The following UBN2 variants were observed in gnomAD, a reference collection of about 807,000 sequenced individuals.
The protein encoded by UBN2 is ubinuclein-2.
In UBN2, 35 loss-of-function variants were observed where a neutral mutation model predicts 120.2. The ratio of observed to expected loss-of-function variants is 0.29; its 90% CI spans 0.22 to 0.39. The LOEUF is 0.39. Among genes scored for constraint, UBN2 ranks in the 10% least tolerant of loss-of-function variants. The pLI is 1.00. For missense variants in UBN2, 1,693 were observed against 1,663.2 expected, an observed-to-expected ratio of 1.02 and a Z score of -0.31; for synonymous variants, 661 against 648.7, an observed-to-expected ratio of 1.02 and a Z score of -0.29.
chr7:139,260,380 G>A (rs577350582), intron 5 of UBN2, among the ~76,000 whole-genome samples: 1 of 152,272 alleles, frequency 6.6e-6, no homozygotes, highest in East Asian at 1.9e-4. Flanking sequence ...TTACAGGCAT[G>A]AGCCACTGCA....
At chr7:139,294,857 TG>T (rs1798065777) in intron 17 of UBN2, among the ~76,000 whole-genome samples, 1 of 152,104 alleles carries the variant, frequency 6.6e-6, no homozygotes, top group African/African-American at 2.4e-5. Context: ...AAAATTAATA[TG>T]ATCCAAGCTG....
chr7:139,261,588 T>A lies in UBN2; in HGVS notation c.1242T>A (p.Ala414=). ...TTGACTTCGACAGATTACTGGATGC[T>A]GCTTCTGATGGTAGCCCCCTATCTG... The part of the protein sequence containing the change: ...DDFDFDRLLD[A]ASDGSPLSES... Residue 414 remains alanine, a synonymous_variant, in exon 6 of 18, where the codon GCT becomes GCA. Transcript: ENST00000473989. 1 of 1,614,236 alleles carries A rather than the reference T, an allele frequency of 6.2e-7. No individual in the cohort carries two copies. Among genetic ancestry groups the A allele is most frequent in the African/African-American group, 1.3e-5 (1 of 75,062 alleles).
At chr7:139,289,927 T>C (rs1427958650) in intron 15 of UBN2, among the ~76,000 whole-genome samples, 1 of 151,616 alleles carries the variant, frequency 6.6e-6, no homozygotes, top group African/African-American at 2.4e-5. Context: ...AGAGTCTTGC[T>C]CTGTTGCCCA....
At position 139,283,870 on chromosome 7, in the gene UBN2, C is replaced by A. The variant is rs1797691288; in HGVS notation, c.2965C>A (p.Pro989Thr). 4.3e-6 allele frequency: 7 copies of A among 1,614,052 alleles called. No individual in the cohort carries two copies. Among genetic ancestry groups the A allele is most frequent in the East Asian group, 4.5e-5 (2 of 44,896 alleles). The change falls in exon 15 of 18, where the codon CCT (proline) becomes ACT (threonine). Residue 989 changes from proline (P) to threonine (T), a missense_variant. Around this residue, in one of 5 missense-constraint regions of UBN2, gnomAD observed 837 missense variants for 817.6 expected, o/e 1.02. Transcript: ENST00000473989. The part of the protein sequence containing the change: ...MYRLPLSTPS[P>T]GNGSQGSHPL... ...CCGCCTTCCCTTATCTACCCCCTCA[C>A]CTGGAAATGGTTCTCAAGGGTCCCA...
chr7:139,266,248 A>G, intron 6 of UBN2, 85 bp from the exon 7 acceptor site: 1 of 893,422 alleles, frequency 1.1e-6, no homozygotes, highest in Non-Finnish European at 1.7e-6. Flanking sequence ...AAAAAAAAGA[A>G]AAAAACCTTT....
intron 17 of UBN2, among the ~76,000 whole-genome samples, chr7:139,295,283 G>A (rs1315890430): frequency 6.6e-6 from 1 of 152,092 alleles, no homozygotes; most frequent in Non-Finnish European, 1.5e-5. Flanking sequence ...TGTAAAATGG[G>A]TAACACAGAG....
chr7:139,294,794 TC>T (rs1163529513), intron 17 of UBN2, among the ~76,000 whole-genome samples: 1 of 152,046 alleles, frequency 6.6e-6, no homozygotes, highest in Non-Finnish European at 1.5e-5. Context: ...TGAGCCGAGA[TC>T]ACGCCACTGC....
At position 139,254,761 on chromosome 7, in the gene UBN2, A is replaced by C. The variant is rs372349215; in HGVS notation, c.663+2704A>C. 3.6e-4 allele frequency among the ~76,000 whole-genome samples: 55 copies of C among 152,352 alleles called. No individual in the cohort carries two copies. The South Asian group carries it at 0.011, about 29-fold the overall frequency. Reference sequence around the variant, plus strand: ...CATCACATGTACTCACACTTACATAAATAGCTTTTTTAAATTAATAAACTT... The same window carrying C: ...CATCACATGTACTCACACTTACATACATAGCTTTTTTAAATTAATAAACTT... On this transcript the variant is annotated intron_variant, in intron 3 of 17. Transcript: ENST00000473989.
Position 139,301,090 on chromosome 7 carries a change from C to G in UBN2, c.*3254C>G, listed in dbSNP as rs761661428. The G allele has an allele frequency of 6.6e-6, 1 of 152,044 alleles. No individual in the cohort carries two copies. The allele number at this position is 152,044 out of a possible 1,614,324, so 9.4% of individuals were successfully genotyped here. On this transcript the variant is annotated 3_prime_UTR_variant, in exon 18 of 18. Transcript: ENST00000473989. Reference sequence around the variant, plus strand: ...TGATAGTGCATTCTTTTGTGCCCACCCCCCCTCTGATGGATGTTGTTAGCC... The same window carrying G: ...TGATAGTGCATTCTTTTGTGCCCACGCCCCCTCTGATGGATGTTGTTAGCC...
At position 139,283,389 on chromosome 7, in the gene UBN2, T is replaced by TA; in HGVS notation, c.2484_2485insA (p.Ser829IlefsTer38). The TA allele has an allele frequency of 6.2e-7, 1 of 1,614,068 alleles. No homozygotes were observed. Among genetic ancestry groups the TA allele is most frequent in the Non-Finnish European group, 8.5e-7 (1 of 1,180,008 alleles). ...AACTAGATTCTACTCAGACTACACA[T>TA]TCTTCAAGTCTTATTGCTGGTCACA... On this transcript the variant is annotated frameshift_variant, in exon 15 of 18. Transcript: ENST00000473989. LOFTEE classifies it high-confidence loss of function.
the UBN2 span, among the ~76,000 whole-genome samples, chr7:139,320,043 T>G: frequency 4.3e-3 from 644 of 149,960 alleles, 5 homozygotes; most frequent in South Asian, 0.041. Context: ...GCCACTGCAC[T>G]CCAGCCTGGG....
rs560180799 is a variant in UBN2, at chr7:139,263,927, A to G, written c.1395+2186A>G. ...AAAAAGTCTTAAGGTTATAAAGTTT[A>G]AAATTCCATCAGAAATTCTTCTAGG... is the stretch of plus-strand genomic sequence containing the variant. On this transcript the variant is annotated intron_variant, in intron 6 of 17. Transcript: ENST00000473989. Among the ~76,000 whole-genome samples, 4 of 152,304 alleles carry G rather than the reference A, an allele frequency of 2.6e-5. No homozygotes were observed. In the South Asian group the frequency reaches 8.3e-4, roughly 32 times the overall value.
At chr7:139,320,926 T>C in the UBN2 span, among the ~76,000 whole-genome samples, 2 of 152,062 alleles carry the variant, frequency 1.3e-5, no homozygotes, top group Admixed American at 1.3e-4. Context: ...GGACGAAATA[T>C]ATAAATATGT....
In UBN2 at chr7:139,299,952, A is replaced by G. The variant is rs1031861989; in HGVS notation, c.*2116A>G. On this transcript the variant is annotated 3_prime_UTR_variant, in exon 18 of 18. Transcript: ENST00000473989. ...AGTGCGTATTAATTTCTCTTCCTGA[A>G]TACTTGTATATATGTTTGTCTGTAT... The G allele has an allele frequency of 1.3e-5, 2 of 152,134 alleles. No individual in the cohort carries two copies. Among genetic ancestry groups the G allele is most frequent in the African/African-American group, 4.8e-5 (2 of 41,434 alleles). The allele number at this position is 152,134 out of a possible 1,614,324, so 9.4% of individuals were successfully genotyped here. A position where few individuals can be genotyped will look rare whatever the true frequency, so the allele number is the denominator to read the frequency against.
chr7:139,282,450 A>G (rs1345496021), intron 14 of UBN2, among the ~76,000 whole-genome samples: 1 of 152,198 alleles, frequency 6.6e-6, no homozygotes, highest in African/African-American at 2.4e-5. Context: ...TTACAAATAA[A>G]TTACAGATTC....
At chr7:139,326,618 C>A in the UBN2 span, among the ~76,000 whole-genome samples, 1 of 152,242 alleles carries the variant, frequency 6.6e-6, no homozygotes, top group Admixed American at 6.5e-5. Context: ...AGCAGGTGTG[C>A]ATTAAAATTC....
At chr7:139,269,650 G>A (rs757796285) in intron 8 of UBN2, 127 bp downstream of exon 8, 296 of 1,043,404 alleles carry the variant, frequency 2.8e-4, no homozygotes, top group Non-Finnish European at 3.5e-4. Context: ...AACCATAGGA[G>A]GTTATTAAAA....
chr7:139,297,628 C>G (rs185221536), intron 17 of UBN2, among the ~76,000 whole-genome samples, 159 bp from the exon 18 acceptor site: 268 of 152,242 alleles, frequency 1.8e-3, no homozygotes, highest in African/African-American at 6.2e-3. Flanking sequence ...GTTTTATCAA[C>G]CTCTATAATG....
intron 2 of UBN2, among the ~76,000 whole-genome samples, chr7:139,239,230 T>C (rs1796245812): frequency 2.0e-5 from 3 of 152,146 alleles, no homozygotes; most frequent in Admixed American, 2.0e-4. Flanking sequence ...TTATTTACTG[T>C]ATCTTAGTAT....
Sources: gnomAD v4.1 joint callset for allele counts (sites outside exome capture counted in the v4.1 genomes callset) on GRCh38, gnomAD v4.1.1 for gene constraint, gnomAD v4.1.1 regional missense constraint, MANE v1.5 for transcripts, NCBI Gene and HGNC (gene_info 2026-07-23, HGNC 2026-07-21) for gene names.